The following MYT1L variants were observed in gnomAD, a reference collection of about 807,000 sequenced individuals.
The protein encoded by MYT1L is myelin transcription factor 1 like, also known as myelin transcription factor 1-like protein.
A neutral mutation model predicts 126.7 loss-of-function variants in MYT1L; 12 were observed. The observed-to-expected ratio is 0.09, with a 90% CI of 0.06 to 0.15. MYT1L has a LOEUF of 0.15. Among genes scored for constraint, MYT1L ranks in the 10% least tolerant of loss-of-function variants. The pLI, the probability that MYT1L is intolerant of heterozygous loss-of-function variation, is 1.00. For synonymous variants in MYT1L, 541 were observed against 604.2 expected (o/e 0.90, Z 1.53); for missense variants, 979 against 1,585.2 (o/e 0.62, Z 6.49).
intron 18 of MYT1L, among the ~76,000 whole-genome samples, chr2:1,884,631 T>G (rs181605662): frequency 8.8e-4 from 134 of 152,350 alleles, no homozygotes; most frequent in Non-Finnish European, 1.4e-3. Context: ...AAGGGACAAT[T>G]TAAGAAATTC....
intron 21 of MYT1L, among the ~76,000 whole-genome samples, chr2:1,821,056 A>C (rs577011770): frequency 1.3e-5 from 2 of 152,322 alleles, no homozygotes; most frequent in African/African-American, 4.8e-5. Context: ...GGTGTCAGCC[A>C]GTTCCTTGTG....
At chr2:2,169,991 T>C (rs2089781357) in intron 3 of MYT1L, among the ~76,000 whole-genome samples, 1 of 152,210 alleles carries the variant, frequency 6.6e-6, no homozygotes, top group South Asian at 2.1e-4. Flanking sequence ...TGAAATCTTT[T>C]GAGTCTCTTG....
At chr2:1,829,851 C>T (rs184746533) in intron 21 of MYT1L, among the ~76,000 whole-genome samples, 6 of 152,220 alleles carry the variant, frequency 3.9e-5, no homozygotes, top group South Asian at 2.1e-4. Context: ...CTGTGAATTG[C>T]ACCTGTCTCC....
At chr2:2,181,010 G>A (rs1156561352) in intron 2 of MYT1L, among the ~76,000 whole-genome samples, 1 of 150,902 alleles carries the variant, frequency 6.6e-6, no homozygotes, top group Non-Finnish European at 1.5e-5. Flanking sequence ...ATGTACCTGT[G>A]TGTGCACCTG....
chr2:1,995,241 A>G (rs1014783406), intron 5 of MYT1L, among the ~76,000 whole-genome samples: 1 of 151,868 alleles, frequency 6.6e-6, no homozygotes, highest in Non-Finnish European at 1.5e-5. Context: ...GGATGTGAAC[A>G]CTCTAGCATG....
At chr2:2,312,930 G>A (rs1028034070) in intron 1 of MYT1L, among the ~76,000 whole-genome samples, 4 of 152,066 alleles carry the variant, frequency 2.6e-5, no homozygotes, top group Admixed American at 6.6e-5. Flanking sequence ...TGTATCTTTG[G>A]CTACTTGATG....
chr2:2,205,323 GT>G (rs1481544241), intron 2 of MYT1L, among the ~76,000 whole-genome samples: 4 of 151,952 alleles, frequency 2.6e-5, no homozygotes, highest in Middle Eastern at 3.2e-3. Context: ...TTATATAATA[GT>G]TTTTCTTGTT....
intron 14 of MYT1L, among the ~76,000 whole-genome samples, chr2:1,893,424 G>A (rs2049174368): frequency 6.6e-6 from 1 of 152,138 alleles, no homozygotes; most frequent in African/African-American, 2.4e-5. Flanking sequence ...TTCCCCAAGA[G>A]ATCCCCGCCT....
intron 11 of MYT1L, among the ~76,000 whole-genome samples, chr2:1,915,515 T>A (rs1354250951): frequency 6.6e-6 from 1 of 152,222 alleles, no homozygotes; most frequent in African/African-American, 2.4e-5. Flanking sequence ...GAGCTGATAA[T>A]CTACCTTGAA....
In MYT1L at chr2:1,805,362, C is replaced by A. The variant is rs115062432; in HGVS notation, c.3173-3563G>T. The stretch of plus-strand genomic sequence containing the variant: ...ATTCCGGTGGCTTCTCTGTCCCACA[C>A]AGTGTCTGGGCCTCACATGGAGGGA... On this transcript the variant is annotated intron_variant, in intron 22 of 24. Transcript: ENST00000647738. 5.9e-3 allele frequency among the ~76,000 whole-genome samples: 899 copies of A among 152,312 alleles called. 12 individuals carry two copies. The highest frequency in any genetic ancestry group is 0.02 in the African/African-American group (844 of 41,566).
At chr2:2,041,221 A>C (rs1041973658) in intron 4 of MYT1L, among the ~76,000 whole-genome samples, 1 of 152,220 alleles carries the variant, frequency 6.6e-6, no homozygotes, top group African/African-American at 2.4e-5. Context: ...ATTATATGGC[A>C]TAATTGTACT....
At chr2:2,016,276 C>T (rs1432035687) in intron 4 of MYT1L, among the ~76,000 whole-genome samples, 1 of 152,208 alleles carries the variant, frequency 6.6e-6, no homozygotes, top group Non-Finnish European at 1.5e-5. Context: ...GGCATTCAGA[C>T]ACCAGAACAC....
At chr2:2,318,217 A>C (rs771793605) in intron 1 of MYT1L, among the ~76,000 whole-genome samples, 1 of 152,220 alleles carries the variant, frequency 6.6e-6, no homozygotes, top group Non-Finnish European at 1.5e-5. Context: ...AATCCTTGGA[A>C]TGTTGATATT....
intron 13 of MYT1L, among the ~76,000 whole-genome samples, chr2:1,903,709 G>A (rs2050643749): frequency 6.6e-6 from 1 of 152,134 alleles, no homozygotes; most frequent in Non-Finnish European, 1.5e-5. Flanking sequence ...TAAAAAGTAA[G>A]ATGAGGTAAA....
chr2:1,796,689 C>T (rs892009937), intron 23 of MYT1L, among the ~76,000 whole-genome samples: 21 of 152,146 alleles, frequency 1.4e-4, no homozygotes, highest in Non-Finnish European at 2.8e-4. Flanking sequence ...TCCCAGCCTC[C>T]CAGCCGGCTC....
chr2:1,866,921 T>G (rs1278882627), intron 18 of MYT1L, among the ~76,000 whole-genome samples: 114 of 71,114 alleles, frequency 1.6e-3, no homozygotes, highest in East Asian at 3.1e-3. Context: ...AGGCAGAGAG[T>G]GAGAGGGTGG....
intron 9 of MYT1L, among the ~76,000 whole-genome samples, chr2:1,935,078 C>G (rs142720134): frequency 6.0e-4 from 91 of 152,312 alleles, no homozygotes; most frequent in Middle Eastern, 3.4e-3. Flanking sequence ...AACATGACCA[C>G]TTTCTTAGCA....
chr2:1,952,954 C>T (rs1480158746), intron 8 of MYT1L, among the ~76,000 whole-genome samples: 1 of 72,410 alleles, frequency 1.4e-5, no homozygotes, highest in Non-Finnish European at 2.9e-5. Context: ...CCTCCTTCCT[C>T]CCTCCCTCCC....
chr2:1,916,728 G>A (rs1229722437), intron 11 of MYT1L, among the ~76,000 whole-genome samples: 1 of 152,158 alleles, frequency 6.6e-6, no homozygotes, highest in Non-Finnish European at 1.5e-5. Context: ...GACTTTACAG[G>A]TGAAATGCAA....
Sources: allele counts gnomAD v4.1 joint callset (sites outside exome capture counted in the v4.1 genomes callset), GRCh38; gene constraint gnomAD v4.1.1; transcripts MANE v1.5; gene names NCBI Gene and HGNC (gene_info 2026-07-23, HGNC 2026-07-21).